The following FAT3 variants were observed in gnomAD, a reference collection of about 807,000 sequenced individuals.
The protein encoded by FAT3 is FAT atypical cadherin 3.
Under a neutral mutation model 310.2 loss-of-function variants are expected in FAT3, and 95 were observed. The ratio of observed to expected loss-of-function variants is 0.31; its 90% CI spans 0.26 to 0.36. The LOEUF is 0.36. FAT3 is among the 10% of genes least tolerant of loss of function. The pLI is 1.00. For synonymous variants in FAT3, 2,314 were observed against 2,192.9 expected (o/e 1.06, Z -1.54); for missense variants, 5,408 against 5,715.6 (o/e 0.95, Z 1.74).
At chr11:92,765,370 A>G (rs946018431) in intron 6 of FAT3, among the ~76,000 whole-genome samples, 6 of 151,870 alleles carry the variant, frequency 4.0e-5, no homozygotes, top group South Asian at 2.1e-4. Context: ...TTTAAATTCT[A>G]TTGTCACACT....
chr11:92,434,588 G>T (rs893233747), intron 2 of FAT3, among the ~76,000 whole-genome samples: 1 of 152,120 alleles, frequency 6.6e-6, no homozygotes, highest in Admixed American at 6.5e-5. Context: ...CTTTGGTGCT[G>T]GTTCAGTGTT....
intron 4 of FAT3, among the ~76,000 whole-genome samples, chr11:92,709,566 G>C (rs1944458511): frequency 6.6e-6 from 1 of 152,192 alleles, no homozygotes; most frequent in African/African-American, 2.4e-5. Context: ...TTGTACCCCA[G>C]CACCTAAAAC....
intron 2 of FAT3, among the ~76,000 whole-genome samples, chr11:92,361,890 T>C (rs192925015): frequency 5.9e-5 from 9 of 152,356 alleles, no homozygotes; most frequent in African/African-American, 1.9e-4. Flanking sequence ...GAAATGGGTA[T>C]CTGACAGGTC....
chr11:92,630,871 A>G (rs1941533747), intron 3 of FAT3, among the ~76,000 whole-genome samples: 1 of 152,200 alleles, frequency 6.6e-6, no homozygotes, highest in African/African-American at 2.4e-5. Context: ...ATTCTCAGCT[A>G]GTAGCAGCAT....
At chr11:92,494,450 A>C (rs1425235129) in intron 2 of FAT3, among the ~76,000 whole-genome samples, 1 of 152,092 alleles carries the variant, frequency 6.6e-6, no homozygotes, top group Non-Finnish European at 1.5e-5. Context: ...CCAGCATATA[A>C]GTATTACATT....
chr11:92,302,763 T>C (rs1947032258), intron 1 of FAT3, among the ~76,000 whole-genome samples: 1 of 152,118 alleles, frequency 6.6e-6, no homozygotes, highest in South Asian at 2.1e-4. Context: ...AACAATTGTA[T>C]GGTGTTGATT....
At chr11:92,548,722 GAA>G (rs1456747562) in intron 3 of FAT3, among the ~76,000 whole-genome samples, 1 of 152,156 alleles carries the variant, frequency 6.6e-6, no homozygotes, top group African/African-American at 2.4e-5. Flanking sequence ...AGATCTTTCT[GAA>G]AAAGTCTTTT....
chr11:92,862,097 A>G (rs1949133311), intron 21 of FAT3, among the ~76,000 whole-genome samples: 1 of 152,238 alleles, frequency 6.6e-6, no homozygotes, highest in Non-Finnish European at 1.5e-5. Context: ...TCCAAATGCA[A>G]TAAAATTAAA....
At chr11:92,505,012 G>A (rs1953055502) in intron 2 of FAT3, among the ~76,000 whole-genome samples, 1 of 152,056 alleles carries the variant, frequency 6.6e-6, no homozygotes, top group African/African-American at 2.4e-5. Context: ...GGGTGGGGAG[G>A]TAGGTGGTTA....
chr11:92,409,550 C>T (rs1443812128), intron 2 of FAT3, among the ~76,000 whole-genome samples: 1 of 152,076 alleles, frequency 6.6e-6, no homozygotes, highest in Non-Finnish European at 1.5e-5. Flanking sequence ...TCCTGTAGAG[C>T]ACTTGTCAGT....
intron 2 of FAT3, among the ~76,000 whole-genome samples, chr11:92,432,628 C>T (rs899412273): frequency 2.6e-5 from 4 of 152,190 alleles, no homozygotes; most frequent in Admixed American, 6.5e-5. Context: ...CTGCTCCTTC[C>T]TTTGGAAGAT....
At chr11:92,307,530 C>T (rs2134444963) in intron 1 of FAT3, among the ~76,000 whole-genome samples, 1 of 152,284 alleles carries the variant, frequency 6.6e-6, no homozygotes, top group South Asian at 2.1e-4. Flanking sequence ...ATTGCTTAGA[C>T]TTTGCCTTGA....
chr11:92,294,473 T>C (rs1041393493), intron 1 of FAT3, among the ~76,000 whole-genome samples: 3 of 151,970 alleles, frequency 2.0e-5, no homozygotes, highest in Non-Finnish European at 1.5e-5. Flanking sequence ...AGATGAGCCA[T>C]TGCCAAGTCA....
intron 4 of FAT3, among the ~76,000 whole-genome samples, chr11:92,713,392 C>G (rs900714169): frequency 6.6e-6 from 1 of 152,178 alleles, no homozygotes; most frequent in Admixed American, 6.5e-5. Context: ...ACACTAAACT[C>G]AACAATGACA....
intron 1 of FAT3, among the ~76,000 whole-genome samples, chr11:92,255,389 G>A (rs1194464546): frequency 6.7e-6 from 1 of 149,828 alleles, no homozygotes; most frequent in African/African-American, 2.5e-5. Flanking sequence ...AATACCTCGT[G>A]GGCAGATACA....
chr11:92,414,425 C>T (rs1473813043), intron 2 of FAT3, among the ~76,000 whole-genome samples: 1 of 152,220 alleles, frequency 6.6e-6, no homozygotes, highest in Non-Finnish European at 1.5e-5. Context: ...GAAAGTTATA[C>T]TTCCTAGGTC....
chr11:92,503,168 G>A (rs1336363357), intron 2 of FAT3, among the ~76,000 whole-genome samples: 1 of 152,060 alleles, frequency 6.6e-6, no homozygotes, highest in Non-Finnish European at 1.5e-5. Context: ...GTTTCAGAGT[G>A]TGGCAACAAG....
At chr11:92,231,155 G>A (rs1864165506) in intron 1 of FAT3, among the ~76,000 whole-genome samples, 1 of 152,114 alleles carries the variant, frequency 6.6e-6, no homozygotes, top group African/African-American at 2.4e-5. Context: ...GAATGTGTCT[G>A]GGAGCCTGCA....
At chr11:92,676,176 A>C (rs900613098) in intron 3 of FAT3, among the ~76,000 whole-genome samples, 1 of 152,218 alleles carries the variant, frequency 6.6e-6, no homozygotes, top group African/African-American at 2.4e-5. Flanking sequence ...ACATTTAACC[A>C]AAATGAAAAC....
Sources: allele counts gnomAD v4.1 joint callset (sites outside exome capture counted in the v4.1 genomes callset), GRCh38; gene constraint gnomAD v4.1.1; transcripts MANE v1.5; gene names NCBI Gene and HGNC (gene_info 2026-07-23, HGNC 2026-07-21).